Variants in CMTM1 observed in about 807,000 individuals in gnomAD.
CMTM1 encodes CKLF like MARVEL transmembrane domain containing 1.
CMTM1 carries 16 observed loss-of-function variants against 17.8 expected under a neutral mutation model. The observed-to-expected ratio is 0.90, with a 90% CI of 0.61 to 1.37. The LOEUF (loss-of-function observed/expected upper bound fraction) is 1.37, where lower values mean the gene tolerates loss of function less well. CMTM1 is among the 40% of genes most tolerant of loss of function. The pLI is 0.00. For missense variants in CMTM1, 354 were observed against 375.6 expected, an observed-to-expected ratio of 0.94 and a Z score of 0.47; for synonymous variants, 169 against 154.6, an observed-to-expected ratio of 1.09 and a Z score of -0.69.
chr16:66,571,436 G>T (rs116118033), intron 2 of CMTM1, among the ~76,000 whole-genome samples: 19 of 152,098 alleles, frequency 1.2e-4, no homozygotes, highest in African/African-American at 4.6e-4. Flanking sequence ...ATTCAATTCA[G>T]TAGCCATATG....
At chr16:66,574,832 G>T in intron 2 of CMTM1, 3 of 481,842 alleles carry the variant, frequency 6.2e-6, no homozygotes, top group Non-Finnish European at 8.1e-6. Context: ...GGCCAACAGA[G>T]AGCAATTTTT....
At chr16:66,569,077 A>G (rs1325148368) in intron 1 of CMTM1, among the ~76,000 whole-genome samples, 1 of 152,244 alleles carries the variant, frequency 6.6e-6, no homozygotes, top group Admixed American at 6.5e-5. Context: ...TCTGTTTACA[A>G]CAGTCATCAA....
At chr16:66,575,036 G>A (rs2014059808) in intron 2 of CMTM1, 1 of 985,344 alleles carries the variant, frequency 1.0e-6, no homozygotes, top group African/African-American at 1.7e-5. Context: ...GAACCCAGCT[G>A]GGACTTACTT....
intron 2 of CMTM1, 128 bp downstream of exon 2, chr16:66,570,222 G>C (rs1332838309): frequency 1.6e-5 from 12 of 746,088 alleles, no homozygotes. Context: ...GTGACAGTTA[G>C]GGTGTTGCCC....
At position 66,570,143 on chromosome 16, in the gene CMTM1, C is replaced by T. The variant is rs748020019; in HGVS notation, c.591+49C>T. On this transcript the variant is annotated intron_variant, in intron 2 of 3. Transcript: ENST00000379500. ...TTCAAATCCAAGCTTTGCCCTCAGC[C>T]CCAGAGTAAGGGCTCTCCTTAAGTG... 4 of 1,472,180 alleles carry T rather than the reference C, an allele frequency of 2.7e-6. No individual in the cohort carries two copies. In the African/African-American group the frequency reaches 4.3e-5, roughly 16 times the overall value. 91.2% of individuals were successfully genotyped at this position (1,472,180 alleles called of 1,614,324 possible).
Position 66,569,999 on chromosome 16 carries a change from A to T in CMTM1, c.496A>T (p.Ile166Phe), listed in dbSNP as rs1224519449. ...ITQANESFIT[I>F]TSLEICIVVF... The stretch of plus-strand genomic sequence containing the variant: ...CCAAGCCAATGAGTCATTTATAACA[A>T]TCACAAGTCTGGAAATCTGCATTGT... Residue 166 changes from isoleucine (I) to phenylalanine (F), a missense_variant, in exon 2 of 4, where the codon ATC (isoleucine) becomes TTC (phenylalanine). Coordinates refer to ENST00000379500, the MANE Select transcript of CMTM1 (RefSeq NM_052999.4). The T allele has an allele frequency of 6.2e-7, 1 of 1,613,110 alleles. No individual in the cohort carries two copies. Among genetic ancestry groups the T allele is most frequent in the African/African-American group, 1.3e-5 (1 of 74,896 alleles).
At chr16:66,578,327 A>C (rs1390576603) in intron 3 of CMTM1, among the ~76,000 whole-genome samples, 1 of 151,770 alleles carries the variant, frequency 6.6e-6, no homozygotes, top group African/African-American at 2.4e-5. Context: ...CTCACACCTG[A>C]CCTCCTGATA....
chr16:66,577,259 G>A, intron 3 of CMTM1, 57 bp downstream of exon 3: 1 of 1,464,654 alleles, frequency 6.8e-7, no homozygotes, highest in South Asian at 1.2e-5. Flanking sequence ...CTTTGAAAAG[G>A]GAAATTGGCA....
At chr16:66,568,531 A>G (rs1019229234) in intron 1 of CMTM1, among the ~76,000 whole-genome samples, 1 of 152,188 alleles carries the variant, frequency 6.6e-6, no homozygotes, top group Non-Finnish European at 1.5e-5. Flanking sequence ...AATGATGCCT[A>G]CACCATGAGT....
At chr16:66,569,543 G>A (rs1283383476) in intron 1 of CMTM1, among the ~76,000 whole-genome samples, 1 of 152,212 alleles carries the variant, frequency 6.6e-6, no homozygotes, top group African/African-American at 2.4e-5. Context: ...CCCAATAAAT[G>A]ATGTTGAGAT....
rs372320948 is a variant in CMTM1 at position 66,566,720 on chromosome 16, C to T, written c.207C>T (p.Pro69=). ...CGCAGTCCGCAGCCGCCGCACGTCC[C>T]CAAGGCAGTGAGGGCACCGCACCCT... ...RSAQSAAAAR[P]QGSEGTAPSR... is the part of the protein sequence containing the mutation. The change falls in exon 1 of 4, where the codon CCC becomes CCT. Residue 69 remains proline, a synonymous_variant. Coordinates refer to ENST00000379500, the MANE Select transcript of CMTM1 (RefSeq NM_052999.4). The surrounding 1 kb of genome is among the most constrained non-coding windows in gnomAD (Gnocchi z 4.9). The T allele has an allele frequency of 2.7e-5, 43 of 1,613,894 alleles. No homozygotes were observed. The highest frequency in any genetic ancestry group is 3.3e-5 in the Non-Finnish European group (39 of 1,180,000).
intron 2 of CMTM1, among the ~76,000 whole-genome samples, chr16:66,571,974 G>T (rs1159110126): frequency 6.6e-6 from 1 of 152,200 alleles, no homozygotes; most frequent in Non-Finnish European, 1.5e-5. Flanking sequence ...GCTCTTGCAG[G>T]GTTACAGGCC....
At chr16:66,573,280 C>G (rs2013797851) in intron 2 of CMTM1, among the ~76,000 whole-genome samples, 2 of 152,158 alleles carry the variant, frequency 1.3e-5, no homozygotes, top group African/African-American at 4.8e-5. Flanking sequence ...CCCATTTTTA[C>G]CAGCATAAGT....
chr16:66,567,259 C>G, intron 1 of CMTM1: 1 of 434,666 alleles, frequency 2.3e-6, no homozygotes, highest in South Asian at 2.2e-5. Context: ...CTGCACCCAT[C>G]AACTCGTCAC....
At position 66,578,872 on chromosome 16, in the gene CMTM1, G is replaced by A. The variant is rs911868389; in HGVS notation, c.732G>A (p.Ala244=). The A allele has an allele frequency of 3.1e-6, 5 of 1,614,168 alleles. No individual in the cohort carries two copies. In the East Asian group the frequency reaches 1.1e-4, roughly 36 times the overall value. ...LTAVIVCCID[A]FVVTTKMRTN... ...CGGTAATCGTGTGTTGCATCGATGCGTTTGTGGTCACCACGAAGATGAGGA... is the reference window on the plus strand; with the variant it reads ...CGGTAATCGTGTGTTGCATCGATGCATTTGTGGTCACCACGAAGATGAGGA... The change falls in exon 4 of 4, where the codon GCG becomes GCA. Residue 244 remains alanine, a synonymous_variant. Coordinates refer to ENST00000379500, the MANE Select transcript of CMTM1 (RefSeq NM_052999.4).
chr16:66,569,958 C>G lies in CMTM1; in HGVS notation c.455C>G (p.Ala152Gly), dbSNP rs766119406. 5.0e-6 allele frequency: 8 copies of G among 1,608,810 alleles called. No homozygotes were observed. The East Asian group carries it at 1.8e-4, about 36-fold the overall frequency. Reference protein sequence around the residue: ...LRLSLILGALACFIITQANES... With the variant: ...LRLSLILGALGCFIITQANES... ...CAGAGTCTTATCTTAGGAGCATTAG[C>G]TTGTTTCATCATCACCCAAGCCAAT... The change falls in exon 2 of 4, where the codon GCT becomes GGT. Residue 152 changes from alanine (A) to glycine (G), a missense_variant. Transcript: ENST00000379500.
chr16:66,578,745 C>G lies in CMTM1; in HGVS notation c.691-86C>G, dbSNP rs922543225. 5 of 1,548,270 alleles carry G rather than the reference C, an allele frequency of 3.2e-6. No homozygotes were observed. In the African/African-American group the frequency reaches 5.4e-5, roughly 17 times the overall value. ...CAGGAGGCCACCCGCAGCGCCCACC[C>G]TGGATAGGGATAGGTTCGAGAGGTT... On this transcript the variant is annotated intron_variant, in intron 3 of 3. Coordinates refer to ENST00000379500, the MANE Select transcript of CMTM1 (RefSeq NM_052999.4).
chr16:66,573,371 C>G (rs2013811314), intron 2 of CMTM1, among the ~76,000 whole-genome samples: 1 of 152,324 alleles, frequency 6.6e-6, no homozygotes, highest in Middle Eastern at 3.4e-3. Context: ...TCGCCCCACT[C>G]TAGCCTAGTG....
At chr16:66,570,168 G>A (rs563098850) in intron 2 of CMTM1, 74 bp downstream of exon 2, 2 of 1,165,006 alleles carry the variant, frequency 1.7e-6, no homozygotes, top group African/African-American at 3.1e-5. Context: ...CTCCTTAAGT[G>A]AAAACAACGG....
Sources: allele counts gnomAD v4.1 joint callset (sites outside exome capture counted in the v4.1 genomes callset), GRCh38; gene constraint gnomAD v4.1.1; non-coding constraint Gnocchi (gnomAD v3.1); transcripts MANE v1.5; gene names NCBI Gene and HGNC (gene_info 2026-07-23, HGNC 2026-07-21).